KHDRBS2: variants seen among roughly 807,000 people sequenced by gnomAD.
KHDRBS2 encodes KH RNA binding domain containing, signal transduction associated 2, also known as KH domain-containing, RNA-binding, signal transduction-associated protein 2.
Under a neutral mutation model 44.3 loss-of-function variants are expected in KHDRBS2, and 26 were observed. That is an observed-to-expected ratio of 0.59 (90% CI 0.43 to 0.81). The LOEUF (loss-of-function observed/expected upper bound fraction) is 0.81. KHDRBS2 is among the 40% of genes least tolerant of loss of function. The pLI is 0.00. For synonymous variants in KHDRBS2, 194 were observed against 151.1 expected, an observed-to-expected ratio of 1.28 and a Z score of -2.08; for missense variants, 476 against 433.1, an observed-to-expected ratio of 1.10 and a Z score of -0.88.
intron 3 of KHDRBS2, among the ~76,000 whole-genome samples, chr6:62,030,708 T>A (rs1191830728): frequency 6.6e-6 from 1 of 152,042 alleles, no homozygotes; most frequent in Non-Finnish European, 1.5e-5. Context: ...TCTAAAAAAT[T>A]CATAGTCTTG....
chr6:62,093,517 C>T (rs1799883963), intron 2 of KHDRBS2, among the ~76,000 whole-genome samples: 1 of 151,830 alleles, frequency 6.6e-6, no homozygotes, highest in Non-Finnish European at 1.5e-5. Context: ...CTTCTTGGTA[C>T]TTTGAAATAT....
At chr6:61,715,662 C>T (rs1203786673) in intron 7 of KHDRBS2, among the ~76,000 whole-genome samples, 1 of 151,966 alleles carries the variant, frequency 6.6e-6, no homozygotes, top group Non-Finnish European at 1.5e-5. Context: ...CACATCCTCC[C>T]AGCACAGTAC....
chr6:62,167,194 A>G (rs954025801), intron 2 of KHDRBS2, among the ~76,000 whole-genome samples: 12 of 152,078 alleles, frequency 7.9e-5, no homozygotes, highest in Non-Finnish European at 1.5e-4. Flanking sequence ...GAAAACAACT[A>G]GTTAAAACAG....
intron 2 of KHDRBS2, among the ~76,000 whole-genome samples, chr6:62,093,707 T>C (rs985322506): frequency 6.6e-5 from 10 of 151,802 alleles, no homozygotes; most frequent in African/African-American, 2.4e-4. Context: ...GGAAAGACAA[T>C]GTTTTAGATT....
At chr6:61,569,945 C>T in the KHDRBS2 span, among the ~76,000 whole-genome samples, 4 of 152,084 alleles carry the variant, frequency 2.6e-5, no homozygotes, top group Non-Finnish European at 5.9e-5. Flanking sequence ...AGTTCCAGAC[C>T]TTTCCACTGA....
At chr6:61,597,212 TAAAG>T in the KHDRBS2 span, among the ~76,000 whole-genome samples, 10 of 152,328 alleles carry the variant, frequency 6.6e-5, no homozygotes, top group Middle Eastern at 3.4e-3. Context: ...CCATTTCAAA[TAAAG>T]ATTTTCTTTT....
At chr6:61,730,824 ATG>A (rs750635059) in intron 7 of KHDRBS2, among the ~76,000 whole-genome samples, 43 of 150,398 alleles carry the variant, frequency 2.9e-4, no homozygotes, top group South Asian at 1.5e-3. Flanking sequence ...CATTATATAT[ATG>A]TGTGTGTGTG....
chr6:61,574,777 CG>C, the KHDRBS2 span, among the ~76,000 whole-genome samples: 29 of 152,026 alleles, frequency 1.9e-4, no homozygotes, highest in South Asian at 6.0e-3. Context: ...GGTGTGGTGG[CG>C]GGGGCCCGTA....
intron 1 of KHDRBS2, among the ~76,000 whole-genome samples, chr6:62,268,543 A>G (rs1839566490): frequency 6.6e-6 from 1 of 152,122 alleles, no homozygotes. Context: ...CTACAAGTAC[A>G]TCTACTCTAC....
chr6:62,132,148 C>T (rs1185035183), intron 2 of KHDRBS2, among the ~76,000 whole-genome samples: 1 of 152,130 alleles, frequency 6.6e-6, no homozygotes, highest in African/African-American at 2.4e-5. Context: ...AGTTCATCTC[C>T]ATCCTCTATT....
At chr6:62,096,261 T>G (rs1800578624) in intron 2 of KHDRBS2, among the ~76,000 whole-genome samples, 2 of 151,962 alleles carry the variant, frequency 1.3e-5, no homozygotes, top group South Asian at 2.1e-4. Flanking sequence ...TTGTTTCAGT[T>G]TTTTGTTGTT....
intron 2 of KHDRBS2, among the ~76,000 whole-genome samples, chr6:62,091,459 A>C (rs1799485502): frequency 6.6e-6 from 1 of 152,138 alleles, no homozygotes; most frequent in Non-Finnish European, 1.5e-5. Context: ...CTACCAAATT[A>C]AGTTACTTAA....
At chr6:61,917,811 A>G (rs1455292065) in intron 4 of KHDRBS2, among the ~76,000 whole-genome samples, 2 of 152,116 alleles carry the variant, frequency 1.3e-5, no homozygotes, top group South Asian at 2.1e-4. Context: ...TAAAAGATCA[A>G]TTAATTTGTT....
intron 2 of KHDRBS2, among the ~76,000 whole-genome samples, chr6:62,118,813 C>T (rs961068455): frequency 7.9e-5 from 12 of 152,168 alleles, no homozygotes; most frequent in African/African-American, 2.4e-4. Flanking sequence ...CTTTGGCTTA[C>T]CCCAGTAATT....
intron 2 of KHDRBS2, among the ~76,000 whole-genome samples, chr6:62,147,308 C>T (rs898543146): frequency 1.3e-5 from 2 of 151,912 alleles, no homozygotes; most frequent in Non-Finnish European, 2.9e-5. Flanking sequence ...AAATGCTCTA[C>T]TAAGCAGAAG....
chr6:61,605,598 T>C, the KHDRBS2 span, among the ~76,000 whole-genome samples: 3 of 152,112 alleles, frequency 2.0e-5, no homozygotes, highest in East Asian at 5.8e-4. Flanking sequence ...TAATTCTAAA[T>C]GACAAATGTT....
At chr6:61,545,715 T>A in the KHDRBS2 span, among the ~76,000 whole-genome samples, 1 of 152,056 alleles carries the variant, frequency 6.6e-6, no homozygotes, top group African/African-American at 2.4e-5. Context: ...ATTTACTATG[T>A]TGAAGCTCTA....
chr6:61,986,003 C>G (rs1181971770), intron 3 of KHDRBS2, among the ~76,000 whole-genome samples: 2 of 151,606 alleles, frequency 1.3e-5, no homozygotes, highest in Non-Finnish European at 2.9e-5. Context: ...TTTGGAAGCA[C>G]TAGAGTATAG....
chr6:61,750,542 G>A (rs1032031937), intron 6 of KHDRBS2, among the ~76,000 whole-genome samples: 5 of 152,002 alleles, frequency 3.3e-5, no homozygotes, highest in East Asian at 1.9e-4. Flanking sequence ...CGTCAGTTTC[G>A]CCTGTTCAAT....
Sources: gnomAD v4.1 joint callset for allele counts (sites outside exome capture counted in the v4.1 genomes callset) on GRCh38, gnomAD v4.1.1 for gene constraint, MANE v1.5 for transcripts, NCBI Gene and HGNC (gene_info 2026-07-23, HGNC 2026-07-21) for gene names.